The following XYLB variants were observed in gnomAD, a reference collection of about 807,000 sequenced individuals.
XYLB encodes the protein xylulose kinase.
A neutral mutation model predicts 78.7 loss-of-function variants in XYLB; 62 were observed. The ratio of observed to expected loss-of-function variants is 0.79; its 90% CI spans 0.64 to 0.97. The LOEUF (loss-of-function observed/expected upper bound fraction) is 0.97, where lower values mean the gene tolerates loss of function less well. XYLB is among the 50% of genes least tolerant of loss of function. The pLI, the probability that XYLB is intolerant of heterozygous loss-of-function variation, is 0.00. For synonymous variants in XYLB, 245 were observed against 247.4 expected, an observed-to-expected ratio of 0.99 and a Z score of 0.09; for missense variants, 687 against 676.8, an observed-to-expected ratio of 1.02 and a Z score of -0.17.
downstream of XYLB, among the ~76,000 whole-genome samples, chr3:38,424,890 C>T (rs1333261814): frequency 2.0e-5 from 3 of 152,190 alleles, no homozygotes; most frequent in Non-Finnish European, 4.4e-5. Context: ...TGCAGGAAAT[C>T]AAATTGCTGA....
the XYLB span, among the ~76,000 whole-genome samples, chr3:38,445,776 G>T: frequency 6.6e-6 from 1 of 152,236 alleles, no homozygotes; most frequent in African/African-American, 2.4e-5. Flanking sequence ...TGACACCCAT[G>T]TCTTTAGTCC....
chr3:38,366,624 G>A (rs551618212), intron 6 of XYLB, among the ~76,000 whole-genome samples, 184 bp from the exon 7 acceptor site: 17 of 152,294 alleles, frequency 1.1e-4, no homozygotes, highest in East Asian at 1.9e-4. Flanking sequence ...AGTTCCTCTC[G>A]CTTCAGCCTC....
intron 18 of XYLB, among the ~76,000 whole-genome samples, chr3:38,409,101 C>A (rs1708462772): frequency 6.6e-6 from 1 of 152,178 alleles, no homozygotes; most frequent in Non-Finnish European, 1.5e-5. Context: ...AATTTTAGAC[C>A]AATATCCTTG....
At chr3:38,446,423 C>T in the XYLB span, among the ~76,000 whole-genome samples, 1 of 152,274 alleles carries the variant, frequency 6.6e-6, no homozygotes, top group African/African-American at 2.4e-5. Context: ...CTCCAAGTCC[C>T]CACCCCATCC....
chr3:38,442,805 C>A, the XYLB span, among the ~76,000 whole-genome samples: 1 of 146,734 alleles, frequency 6.8e-6, no homozygotes, highest in Admixed American at 7.0e-5. Context: ...AACTTCAGGC[C>A]TTAAGGGATA....
At chr3:38,449,583 T>C in the XYLB span, among the ~76,000 whole-genome samples, 11 of 152,206 alleles carry the variant, frequency 7.2e-5, no homozygotes, top group African/African-American at 2.7e-4. Flanking sequence ...TGTGAAGATT[T>C]TGAAAGATTC....
At chr3:38,415,078 A>C (rs1187380436), downstream of XYLB, 1 of 152,212 alleles carries the variant, frequency 6.6e-6, no homozygotes, top group East Asian at 1.9e-4. Context: ...TACCAACTAT[A>C]CTTTGAAGCC....
intron 18 of XYLB, among the ~76,000 whole-genome samples, chr3:38,405,294 T>C (rs945018092): frequency 6.7e-6 from 1 of 149,690 alleles, no homozygotes; most frequent in Non-Finnish European, 1.5e-5. Flanking sequence ...CCCAGCACTT[T>C]GGGAGGCTGA....
At chr3:38,409,411 C>A (rs1231500158) in intron 18 of XYLB, among the ~76,000 whole-genome samples, 1 of 152,158 alleles carries the variant, frequency 6.6e-6, no homozygotes, top group Non-Finnish European at 1.5e-5. Flanking sequence ...CTATCTATGA[C>A]AAACCCACAG....
downstream of XYLB, among the ~76,000 whole-genome samples, chr3:38,415,429 C>T (rs1708754860): frequency 6.6e-6 from 1 of 151,896 alleles, no homozygotes; most frequent in South Asian, 2.1e-4. Flanking sequence ...AGATCTGAGG[C>T]CAAATGGAAG....
In XYLB at chr3:38,413,039, G is replaced by C. The variant is rs1455810543; in HGVS notation, c.*26G>C. ...ACAGGCATCCCTGTTGCCCCTGCCT[G>C]CCCAGATTTACTGACCCCATTTGTC... On this transcript the variant is annotated 3_prime_UTR_variant, in exon 19 of 19. Coordinates refer to ENST00000207870, the MANE Select transcript of XYLB (RefSeq NM_005108.4). The C allele has an allele frequency of 4.5e-6, 7 of 1,571,892 alleles. No individual in the cohort carries two copies. The highest frequency in any genetic ancestry group is 4.1e-5 in the Admixed American group (2 of 48,290).
At chr3:38,406,108 C>T (rs1708310146) in intron 18 of XYLB, among the ~76,000 whole-genome samples, 1 of 152,236 alleles carries the variant, frequency 6.6e-6, no homozygotes, top group Non-Finnish European at 1.5e-5. Flanking sequence ...ACCCCTGACC[C>T]CCGAGCAGCC....
At chr3:38,370,427 G>C (rs2125591747) in intron 9 of XYLB, 1 of 384,338 alleles carries the variant, frequency 2.6e-6, no homozygotes, top group Admixed American at 4.3e-5. Context: ...AATTCCACTA[G>C]AAATTTATTA....
chr3:38,424,206 GTGT>G (rs1428304416), downstream of XYLB, among the ~76,000 whole-genome samples: 3 of 152,176 alleles, frequency 2.0e-5, no homozygotes, highest in African/African-American at 2.4e-5. Flanking sequence ...TCACCTACTG[GTGT>G]TGTTGTTCAA....
intron 18 of XYLB, among the ~76,000 whole-genome samples, chr3:38,409,117 C>G (rs949982357): frequency 6.6e-6 from 1 of 152,240 alleles, no homozygotes; most frequent in Non-Finnish European, 1.5e-5. Context: ...CCTTGATGAG[C>G]ATTGATGCAA....
At chr3:38,445,250 A>G in the XYLB span, among the ~76,000 whole-genome samples, 1 of 152,116 alleles carries the variant, frequency 6.6e-6, no homozygotes, top group Non-Finnish European at 1.5e-5. Flanking sequence ...AGCTCCCCAT[A>G]TAGCCTTTGT....
At chr3:38,374,637 T>G in intron 11 of XYLB, 135 bp downstream of exon 11, 1 of 1,050,656 alleles carries the variant, frequency 9.5e-7, no homozygotes, top group Non-Finnish European at 1.4e-6. Flanking sequence ...TCTCTGCTAC[T>G]TATCAGAGTG....
chr3:38,433,670 G>A, the XYLB span, among the ~76,000 whole-genome samples: 1 of 152,124 alleles, frequency 6.6e-6, no homozygotes, highest in Non-Finnish European at 1.5e-5. Context: ...TTCCCAAAAA[G>A]TTCTTCATCT....
chr3:38,440,092 C>A, the XYLB span, among the ~76,000 whole-genome samples: 1 of 152,172 alleles, frequency 6.6e-6, no homozygotes, highest in African/African-American at 2.4e-5. Context: ...TAGCAGTGGC[C>A]ATTCCTAACC....
Sources: allele counts gnomAD v4.1 joint callset (sites outside exome capture counted in the v4.1 genomes callset), GRCh38; gene constraint gnomAD v4.1.1; transcripts MANE v1.5; gene names NCBI Gene and HGNC (gene_info 2026-07-23, HGNC 2026-07-21).